The following NSMCE2 variants were observed in gnomAD, a reference collection of about 807,000 sequenced individuals.
The protein encoded by NSMCE2 is E3 SUMO-protein ligase NSE2.
In NSMCE2, 24 loss-of-function variants were observed where a neutral mutation model predicts 23.8. The ratio of observed to expected loss-of-function variants is 1.01; its 90% CI spans 0.73 to 1.42. NSMCE2 has a LOEUF of 1.42. Ranked by LOEUF, NSMCE2 falls within the 40% of genes most tolerant of loss-of-function variation. NSMCE2 has a pLI of 0.00. For missense variants in NSMCE2, 284 were observed against 296.5 expected, an observed-to-expected ratio of 0.96 and a Z score of 0.31; for synonymous variants, 92 against 94.1, an observed-to-expected ratio of 0.98 and a Z score of 0.13.
At chr8:125,354,912 C>T (rs917798965) in intron 5 of NSMCE2, among the ~76,000 whole-genome samples, 1 of 152,102 alleles carries the variant, frequency 6.6e-6, no homozygotes. Context: ...TACATGACGC[C>T]ACAAGCAGAA....
chr8:125,127,624 C>T (rs936190074), intron 3 of NSMCE2, among the ~76,000 whole-genome samples: 2 of 152,012 alleles, frequency 1.3e-5, no homozygotes, highest in Non-Finnish European at 2.9e-5. Context: ...GTTCTTGGGT[C>T]GTTCTGGAGT....
intron 5 of NSMCE2, among the ~76,000 whole-genome samples, chr8:125,223,062 AAAAATAAAAT>A (rs541200115): frequency 1.3e-5 from 2 of 151,672 alleles, no homozygotes; most frequent in African/African-American, 2.4e-5. Context: ...ACCCTGTCTC[AAAAATAAAAT>A]AAAATAAAAT....
chr8:125,246,875 A>G (rs1825987345), intron 5 of NSMCE2, among the ~76,000 whole-genome samples: 2 of 152,136 alleles, frequency 1.3e-5, no homozygotes, highest in Non-Finnish European at 2.9e-5. Context: ...GACACCGCAT[A>G]ATTACCATTT....
intron 4 of NSMCE2, among the ~76,000 whole-genome samples, chr8:125,180,452 A>G (rs1440847396): frequency 6.6e-6 from 1 of 152,226 alleles, no homozygotes; most frequent in East Asian, 1.9e-4. Context: ...TTTTCTATTT[A>G]GTAATCAAAA....
At position 125,299,733 on chromosome 8, in the gene NSMCE2, T is replaced by C. The variant is rs191494944; in HGVS notation, c.419-57486T>C. On this transcript the variant is annotated intron_variant, in intron 5 of 7. Transcript: ENST00000287437. ...TTTCACTGAGAATAACCAAAGAACT[T>C]TTGGCTTATGGAAAGAGAATGCCAT... Among the ~76,000 whole-genome samples, 156 of 151,930 alleles carry C rather than the reference T, an allele frequency of 1.0e-3. 1 individual carries two copies. The highest frequency in any genetic ancestry group is 3.5e-3 in the African/African-American group (144 of 41,448).
At chr8:125,151,601 C>T (rs551351533) in intron 4 of NSMCE2, among the ~76,000 whole-genome samples, 2 of 152,214 alleles carry the variant, frequency 1.3e-5, no homozygotes, top group South Asian at 4.1e-4. Context: ...TTTTATTGTT[C>T]TATTTGCTTA....
At position 125,199,405 on chromosome 8, in the gene NSMCE2, A is replaced by G. The variant is rs1823767663; in HGVS notation, c.418+17149A>G. On this transcript the variant is annotated intron_variant, in intron 5 of 7. Coordinates refer to ENST00000287437, the MANE Select transcript of NSMCE2 (RefSeq NM_173685.4). Reference sequence around the variant, plus strand: ...TCTTTGTTCTCATTGGTTTCAAAGAACATCTTTATTTCTGCCTTCATTTCG... The same window carrying G: ...TCTTTGTTCTCATTGGTTTCAAAGAGCATCTTTATTTCTGCCTTCATTTCG... 1.3e-5 allele frequency among the ~76,000 whole-genome samples: 2 copies of G among 152,216 alleles called. 1 individual carries two copies. Among genetic ancestry groups the G allele is most frequent in the Admixed American group, 1.3e-4 (2 of 15,288 alleles).
chr8:125,127,172 A>T (rs1481521833), intron 3 of NSMCE2: 5 of 152,228 alleles, frequency 3.3e-5, no homozygotes, highest in African/African-American at 7.2e-5. Flanking sequence ...AAACAGTTAC[A>T]TGCTTTGCTG....
chr8:125,235,105 T>C (rs1048445042), intron 5 of NSMCE2, among the ~76,000 whole-genome samples: 4 of 151,822 alleles, frequency 2.6e-5, no homozygotes, highest in African/African-American at 9.7e-5. Context: ...AATTGGTGTG[T>C]TGGCACACGC....
At chr8:125,182,477 GA>G (rs1822876818) in intron 5 of NSMCE2, 2 of 560,512 alleles carry the variant, frequency 3.6e-6, no homozygotes, top group Non-Finnish European at 6.3e-6. Context: ...AAAGTGCTCA[GA>G]AAATTTCCCA....
chr8:125,337,030 T>G (rs1830081787), intron 5 of NSMCE2, among the ~76,000 whole-genome samples: 1 of 152,234 alleles, frequency 6.6e-6, no homozygotes, highest in East Asian at 1.9e-4. Context: ...TTCTTATTGT[T>G]TGTGAAATTA....
chr8:125,292,128 G>A (rs988494517), intron 5 of NSMCE2, among the ~76,000 whole-genome samples: 2 of 151,756 alleles, frequency 1.3e-5, no homozygotes, highest in African/African-American at 4.8e-5. Flanking sequence ...CTGGACAAAG[G>A]TATAGTTGGG....
At chr8:125,203,198 A>T (rs1207409508) in intron 5 of NSMCE2, among the ~76,000 whole-genome samples, 2 of 152,102 alleles carry the variant, frequency 1.3e-5, no homozygotes, top group Non-Finnish European at 2.9e-5. Flanking sequence ...CCTTTAAAAA[A>T]AAAAAAAATC....
chr8:125,255,686 G>A (rs16900479), intron 5 of NSMCE2, among the ~76,000 whole-genome samples: 1 of 152,090 alleles, frequency 6.6e-6, no homozygotes, highest in Non-Finnish European at 1.5e-5. Context: ...AATCATGAAG[G>A]CCCGTGTTTG....
intron 5 of NSMCE2, among the ~76,000 whole-genome samples, chr8:125,221,236 G>A (rs1363188485): frequency 6.6e-6 from 1 of 152,120 alleles, no homozygotes. Flanking sequence ...TGTTATTAAT[G>A]CCTTTACATA....
chr8:125,315,791 T>C (rs1457068307), intron 5 of NSMCE2, among the ~76,000 whole-genome samples: 2 of 123,996 alleles, frequency 1.6e-5, no homozygotes, highest in Non-Finnish European at 3.8e-5. Context: ...TTTCCTTTGT[T>C]GGTACCCTTT....
At chr8:125,123,966 T>C (rs1025348698) in intron 3 of NSMCE2, among the ~76,000 whole-genome samples, 3 of 152,162 alleles carry the variant, frequency 2.0e-5, no homozygotes, top group African/African-American at 4.8e-5. Context: ...TTCAGAGATA[T>C]ATAACCATCA....
intron 5 of NSMCE2, among the ~76,000 whole-genome samples, chr8:125,353,007 TCACTGATGCTGGTAGC>T (rs1317262025): frequency 1.3e-5 from 2 of 152,224 alleles, no homozygotes; most frequent in Non-Finnish European, 2.9e-5. Context: ...TATTTCGTGA[TCACTGATGCTGGTAGC>T]CACCTACAAT....
chr8:125,279,920 A>G (rs1367420435), intron 5 of NSMCE2, among the ~76,000 whole-genome samples: 1 of 152,214 alleles, frequency 6.6e-6, no homozygotes, highest in Admixed American at 6.5e-5. Context: ...GCAGTCATCT[A>G]TCCTCTCTAT....
Sources: gnomAD v4.1 joint callset for allele counts (sites outside exome capture counted in the v4.1 genomes callset) on GRCh38, gnomAD v4.1.1 for gene constraint, MANE v1.5 for transcripts, NCBI Gene and HGNC (gene_info 2026-07-23, HGNC 2026-07-21) for gene names.